Variants in FER1L6 observed in about 807,000 individuals in gnomAD.
FER1L6 encodes fer-1 like family member 6.
Under a neutral mutation model 219.2 loss-of-function variants are expected in FER1L6, and 177 were observed. The ratio of observed to expected loss-of-function variants is 0.81; its 90% CI spans 0.71 to 0.91. The LOEUF is 0.91. Among genes scored for constraint, FER1L6 ranks in the 40% least tolerant of loss-of-function variants. The probability of loss-of-function intolerance (pLI) is 0.00; values close to 1 mark genes in which losing one functional copy is unlikely to be tolerated. For missense variants in FER1L6, 2,153 were observed against 2,259.9 expected (o/e 0.95, Z 0.96); for synonymous variants, 768 against 824.3 (o/e 0.93, Z 1.17).
intron 38 of FER1L6, among the ~76,000 whole-genome samples, chr8:124,102,694 T>G (rs1157363472): frequency 6.6e-6 from 1 of 152,280 alleles, no homozygotes; most frequent in South Asian, 2.1e-4. Context: ...GGAGAGTAGA[T>G]ACAAAGACAA....
At chr8:124,051,900 T>C (rs1025179405) in intron 22 of FER1L6, among the ~76,000 whole-genome samples, 2 of 152,222 alleles carry the variant, frequency 1.3e-5, no homozygotes, top group East Asian at 3.9e-4. Context: ...ATTTTGAGGA[T>C]GGAATGGCTG....
chr8:123,969,891 A>C, intron 5 of FER1L6, 144 bp from the exon 6 acceptor site: 1 of 616,300 alleles, frequency 1.6e-6, no homozygotes. Context: ...AAAAAAGAGA[A>C]TTGACAATTG....
chr8:124,081,616 A>T, intron 32 of FER1L6, among the ~76,000 whole-genome samples: 1 of 150,216 alleles, frequency 6.7e-6, no homozygotes. Flanking sequence ...AAAAAAAAAA[A>T]AAAAAAAAAG....
chr8:123,872,205 G>A (rs554257085), intron 1 of FER1L6, among the ~76,000 whole-genome samples: 1 of 152,114 alleles, frequency 6.6e-6, no homozygotes, highest in Non-Finnish European at 1.5e-5. Flanking sequence ...TCATTCGTGA[G>A]AGATCCGCCC....
chr8:123,994,761 C>T (rs75381800), intron 12 of FER1L6, among the ~76,000 whole-genome samples: 8,186 of 152,272 alleles, frequency 0.054, 536 homozygotes, highest in African/African-American at 0.16. Flanking sequence ...TACCTCTCAG[C>T]TGGGGGCTTC....
At chr8:123,961,265 C>T (rs1251361403) in intron 2 of FER1L6, among the ~76,000 whole-genome samples, 2 of 151,968 alleles carry the variant, frequency 1.3e-5, no homozygotes, top group African/African-American at 4.8e-5. Context: ...GACCCTGTCT[C>T]CAAAAAATTA....
At chr8:123,873,484 G>A (rs1038078132) in intron 1 of FER1L6, among the ~76,000 whole-genome samples, 5 of 152,056 alleles carry the variant, frequency 3.3e-5, no homozygotes, top group East Asian at 1.9e-4. Flanking sequence ...TTAACATCTC[G>A]TATTATTGAA....
chr8:124,057,968 C>T (rs762360903), intron 22 of FER1L6, among the ~76,000 whole-genome samples: 1 of 43,246 alleles, frequency 2.3e-5, no homozygotes, highest in East Asian at 3.4e-4. Context: ...AGTCTTTCTT[C>T]GCTTAGTTTC....
At chr8:124,040,122 G>C in intron 20 of FER1L6, 116 bp downstream of exon 20, 1 of 1,382,142 alleles carries the variant, frequency 7.2e-7, no homozygotes, top group Non-Finnish European at 1.0e-6. Flanking sequence ...CTTTGGGTGT[G>C]TAGATGTTTC....
intron 2 of FER1L6, among the ~76,000 whole-genome samples, chr8:123,962,058 T>G (rs1047991117): frequency 2.6e-5 from 4 of 151,934 alleles, no homozygotes; most frequent in Non-Finnish European, 5.9e-5. Context: ...CCCAGCTAAC[T>G]TTTTGTATTT....
At position 124,119,156 on chromosome 8, in the gene FER1L6, T is replaced by C. The variant is rs190704217; in HGVS notation, c.5390+212T>C. Among the ~76,000 whole-genome samples, 69 of 152,294 alleles carry C rather than the reference T, an allele frequency of 4.5e-4. 1 individual carries two copies. The highest frequency in any genetic ancestry group is 3.3e-4 in the Admixed American group (5 of 15,296). On this transcript the variant is annotated intron_variant, in intron 40 of 40. Transcript: ENST00000522917. Reference sequence around the variant, plus strand: ...CATAAAGTATGCCTTCCAGGAGCTTTCGATCTATTTGGGGAAAATAACACA... The same window carrying C: ...CATAAAGTATGCCTTCCAGGAGCTTCCGATCTATTTGGGGAAAATAACACA...
intron 13 of FER1L6, among the ~76,000 whole-genome samples, chr8:124,006,695 G>A (rs1586581932): frequency 6.6e-6 from 1 of 152,166 alleles, no homozygotes; most frequent in South Asian, 2.1e-4. Flanking sequence ...GTCATCATGT[G>A]ATGACCCAAA....
In FER1L6 at chr8:123,999,890, T is replaced by G. The variant is rs561856568; in HGVS notation, c.1520-3277T>G. ...GTGAAAATTCCTTGGCTGCCCCAGC[T>G]TATGTCTCACTAGGGCATGTGCACC... On this transcript the variant is annotated intron_variant, in intron 12 of 40. Transcript: ENST00000522917. 2.6e-5 allele frequency among the ~76,000 whole-genome samples: 4 copies of G among 152,268 alleles called. No homozygotes were observed. In the East Asian group the frequency reaches 7.7e-4, roughly 29 times the overall value.
In FER1L6 at chr8:124,060,227, C is replaced by T; in HGVS notation, c.2922C>T (p.Asp974=). 6.2e-7 allele frequency: 1 copy of T among 1,613,582 alleles called. No individual in the cohort carries two copies. Among genetic ancestry groups the T allele is most frequent in the Non-Finnish European group, 8.5e-7 (1 of 1,179,874 alleles). ...GCCTCCCACCCGTTGAGCCACCAGA[C>T]ATCACCCAGATCTACCCGGTTCCTG... ...LQGLPPVEPP[D]ITQIYPVPAN... is the part of the protein sequence containing the mutation. The change falls in exon 23 of 41, where the codon GAC becomes GAT. Residue 974 remains aspartate (D), a synonymous_variant. Coordinates refer to ENST00000522917, the MANE Select transcript of FER1L6 (RefSeq NM_001039112.2).
chr8:123,922,163 A>T (rs886997761), intron 1 of FER1L6, among the ~76,000 whole-genome samples: 1 of 152,044 alleles, frequency 6.6e-6, no homozygotes, highest in Admixed American at 6.5e-5. Flanking sequence ...GCCAACATGC[A>T]CCCGGTGCCC....
chr8:123,920,736 C>G (rs1307156919), intron 1 of FER1L6, among the ~76,000 whole-genome samples: 3 of 152,192 alleles, frequency 2.0e-5, no homozygotes, highest in African/African-American at 7.2e-5. Context: ...TTTAAGTGTA[C>G]AGTTCAGTTG....
intron 27 of FER1L6, 68 bp from the exon 28 acceptor site, chr8:124,067,699 A>G (rs575890628): frequency 3.7e-6 from 5 of 1,341,892 alleles, no homozygotes; most frequent in Non-Finnish European, 5.3e-6. Context: ...GAGGGCTGAG[A>G]TAATTGTTAG....
At chr8:123,969,673 C>A (rs921279687) in intron 5 of FER1L6, among the ~76,000 whole-genome samples, 26 of 151,760 alleles carry the variant, frequency 1.7e-4, no homozygotes, top group African/African-American at 6.1e-4. Flanking sequence ...CCAGCCTGGG[C>A]AACATAGTGA....
intron 12 of FER1L6, among the ~76,000 whole-genome samples, chr8:123,988,727 G>A (rs1159518201): frequency 6.6e-6 from 1 of 152,154 alleles, no homozygotes; most frequent in East Asian, 1.9e-4. Context: ...GTTTTTGGTG[G>A]AATATTTAGG....
Sources: allele counts gnomAD v4.1 joint callset (sites outside exome capture counted in the v4.1 genomes callset), GRCh38; gene constraint gnomAD v4.1.1; transcripts MANE v1.5; gene names NCBI Gene and HGNC (gene_info 2026-07-23, HGNC 2026-07-21).